COX10: variants seen among roughly 807,000 people sequenced by gnomAD.
COX10 encodes the protein protoheme IX farnesyltransferase, mitochondrial.
Under a neutral mutation model 37.3 loss-of-function variants are expected in COX10, and 27 were observed. The ratio of observed to expected loss-of-function variants is 0.72; its 90% CI spans 0.53 to 1.00. The LOEUF (loss-of-function observed/expected upper bound fraction) is 1.00, where lower values mean the gene tolerates loss of function less well. Among genes scored for constraint, COX10 ranks in the 50% least tolerant of loss-of-function variants. COX10 has a pLI of 0.00. For synonymous variants in COX10, 222 were observed against 229.1 expected (o/e 0.97, Z 0.28); for missense variants, 475 against 563.2 (o/e 0.84, Z 1.59).
chr17:14,102,094 G>T, intron 3 of COX10, 24 bp from the exon 4 acceptor site: 2 of 1,613,352 alleles, frequency 1.2e-6, no homozygotes, highest in Non-Finnish European at 1.7e-6. Context: ...GTAACAGTGT[G>T]TCTGCTCTGT....
chr17:14,146,608 A>G (rs1030941139), intron 4 of COX10, among the ~76,000 whole-genome samples: 8 of 152,166 alleles, frequency 5.3e-5, no homozygotes, highest in Non-Finnish European at 1.0e-4. Context: ...TACCCCACAA[A>G]CACAGGCAAC....
chr17:14,184,733 C>A (rs1277877730), intron 5 of COX10, among the ~76,000 whole-genome samples: 3 of 152,156 alleles, frequency 2.0e-5, no homozygotes, highest in African/African-American at 7.2e-5. Context: ...TAATGAAAGA[C>A]AACTGAAAGT....
At chr17:14,084,030 A>G (rs1441830396) in intron 3 of COX10, among the ~76,000 whole-genome samples, 1 of 152,200 alleles carries the variant, frequency 6.6e-6, no homozygotes, top group Non-Finnish European at 1.5e-5. Context: ...AGTATGATCT[A>G]TCAATGTATA....
At chr17:14,154,145 A>T (rs980613633) in intron 4 of COX10, among the ~76,000 whole-genome samples, 4 of 152,222 alleles carry the variant, frequency 2.6e-5, no homozygotes, top group Non-Finnish European at 4.4e-5. Context: ...GAGGCGGACT[A>T]CAGGGAAACA....
At chr17:14,180,626 G>A (rs989228038) in intron 5 of COX10, among the ~76,000 whole-genome samples, 1 of 152,120 alleles carries the variant, frequency 6.6e-6, no homozygotes, top group South Asian at 2.1e-4. Flanking sequence ...ATCAGAAAAT[G>A]CCCAGATATT....
At chr17:14,074,043 T>A in intron 1 of COX10, among the ~76,000 whole-genome samples, 1 of 152,208 alleles carries the variant, frequency 6.6e-6, no homozygotes, top group Non-Finnish European at 1.5e-5. Flanking sequence ...TAAGAAGATA[T>A]GTAGCGTGGT....
chr17:14,074,181 A>T, intron 1 of COX10, 142 bp from the exon 2 acceptor site: 2 of 846,000 alleles, frequency 2.4e-6, no homozygotes, highest in Non-Finnish European at 3.8e-6. Flanking sequence ...ACAAATCTGG[A>T]TTAGATTATT....
At position 14,207,584 on chromosome 17, in the gene COX10, A is replaced by G. The variant is rs11078234; in HGVS notation, c.*371A>G. On this transcript the variant is annotated 3_prime_UTR_variant, in exon 7 of 7. Transcript: ENST00000261643. ...CACACGCACACTCCACATGCCCAGC[A>G]GAGTGGCACTTGGTGGCCAGAAAGT... The G allele has an allele frequency of 0.18, 33,780 of 183,922 alleles. 3,456 individuals are homozygous for G. The highest frequency in any genetic ancestry group is 0.38 in the East Asian group (2,684 of 6,980). The allele number at this position is 183,922 out of a possible 1,614,324, so 11.4% of individuals were successfully genotyped here. A position where few individuals can be genotyped will look rare whatever the true frequency, so the allele number is the denominator to read the frequency against.
At position 14,131,277 on chromosome 17, in the gene COX10, A is replaced by G. The variant is rs868665322; in HGVS notation, c.625-28600A>G. On this transcript the variant is annotated intron_variant, in intron 4 of 6. Coordinates refer to ENST00000261643, the MANE Select transcript of COX10 (RefSeq NM_001303.4). ...TGTTTAAATATATTTGGATGCATTC[A>G]TTGAAGACAATACGCTACAACAGAT... is the stretch of plus-strand genomic sequence containing the variant. 5.3e-5 allele frequency among the ~76,000 whole-genome samples: 8 copies of G among 152,254 alleles called. No individual in the cohort carries two copies. The Middle Eastern group carries it at 0.014, about 259-fold the overall frequency.
At chr17:14,152,696 A>G (rs1180460546) in intron 4 of COX10, among the ~76,000 whole-genome samples, 3 of 152,226 alleles carry the variant, frequency 2.0e-5, no homozygotes, top group African/African-American at 7.2e-5. Context: ...CCTAAAACTC[A>G]TTAGAATAAA....
intron 4 of COX10, among the ~76,000 whole-genome samples, chr17:14,157,970 A>G (rs1259045168): frequency 6.6e-6 from 1 of 152,144 alleles, no homozygotes; most frequent in Non-Finnish European, 1.5e-5. Flanking sequence ...GGTTATCATT[A>G]TTGGTATGTG....
In COX10 at chr17:14,130,344, T is replaced by A. The variant is rs1916436488; in HGVS notation, c.624+28102T>A. On this transcript the variant is annotated intron_variant, in intron 4 of 6. Transcript: ENST00000261643. ...CAATGATTACAAGATTTGAAGCCCA[T>A]CACTGCCTCTGATGTGCAATTTCAT... Among the ~76,000 whole-genome samples, 6 of 152,164 alleles carry A rather than the reference T, an allele frequency of 3.9e-5. No individual in the cohort carries two copies. The South Asian group carries it at 1.2e-3, about 31-fold the overall frequency.
At chr17:14,169,717 C>T (rs2142246913) in intron 5 of COX10, among the ~76,000 whole-genome samples, 1 of 152,300 alleles carries the variant, frequency 6.6e-6, no homozygotes, top group Non-Finnish European at 1.5e-5. Flanking sequence ...TGGCAAAGAA[C>T]ACACCTTAGA....
chr17:14,146,881 G>A (rs150158833), intron 4 of COX10, among the ~76,000 whole-genome samples: 1 of 152,080 alleles, frequency 6.6e-6, no homozygotes, highest in Non-Finnish European at 1.5e-5. Context: ...TGGCAGACAG[G>A]CATATGAGAA....
intron 4 of COX10, among the ~76,000 whole-genome samples, chr17:14,130,089 A>T (rs1392571547): frequency 6.6e-6 from 1 of 152,188 alleles, no homozygotes; most frequent in Admixed American, 6.5e-5. Context: ...AAAATTAAGA[A>T]TGTAAAAATC....
At chr17:14,122,788 A>G (rs919058254) in intron 4 of COX10, among the ~76,000 whole-genome samples, 6 of 152,228 alleles carry the variant, frequency 3.9e-5, no homozygotes, top group Middle Eastern at 3.2e-3. Flanking sequence ...TGTTGCTTCA[A>G]TAAACCACAT....
chr17:14,203,252 G>C (rs1359920784), intron 6 of COX10, among the ~76,000 whole-genome samples: 1 of 151,782 alleles, frequency 6.6e-6, no homozygotes, highest in Non-Finnish European at 1.5e-5. Context: ...ATATATATAT[G>C]TATAAAATTT....
At chr17:14,198,236 G>A (rs1009857500) in intron 6 of COX10, among the ~76,000 whole-genome samples, 1 of 152,110 alleles carries the variant, frequency 6.6e-6, no homozygotes, top group Non-Finnish European at 1.5e-5. Context: ...GCAGATAAGT[G>A]CCCAGCCGAC....
At chr17:14,162,645 A>G in intron 5 of COX10, among the ~76,000 whole-genome samples, 1 of 151,096 alleles carries the variant, frequency 6.6e-6, no homozygotes, top group Non-Finnish European at 1.5e-5. Context: ...TTTATCAACT[A>G]CATAGAATTT....
Sources: allele counts gnomAD v4.1 joint callset (sites outside exome capture counted in the v4.1 genomes callset), GRCh38; gene constraint gnomAD v4.1.1; transcripts MANE v1.5; gene names NCBI Gene and HGNC (gene_info 2026-07-23, HGNC 2026-07-21).